The following DPY19L4 variants were observed in gnomAD, a reference collection of about 807,000 sequenced individuals.
DPY19L4 encodes probable C-mannosyltransferase DPY19L4.
In DPY19L4, 97 loss-of-function variants were observed where a neutral mutation model predicts 102.8. The ratio of observed to expected loss-of-function variants is 0.94; its 90% CI spans 0.80 to 1.12. The LOEUF is 1.12. Among genes scored for constraint, DPY19L4 ranks in the 50% most tolerant of loss-of-function variants. DPY19L4 has a pLI of 0.00. For synonymous variants in DPY19L4, 252 were observed against 283.1 expected, an observed-to-expected ratio of 0.89 and a Z score of 1.10; for missense variants, 815 against 850.4, an observed-to-expected ratio of 0.96 and a Z score of 0.52.
At chr8:94,770,669 G>GGGT (rs1812889143) in intron 13 of DPY19L4, 98 bp downstream of exon 13, 1 of 1,518,672 alleles carries the variant, frequency 6.6e-7, no homozygotes. Context: ...AGGCCAAGGC[G>GGGT]GGTGGCTCAC....
Position 94,738,449 on chromosome 8 carries a change from A to G in DPY19L4, c.333A>G (p.Ser111=). 1 of 1,533,634 alleles carries G rather than the reference A, an allele frequency of 6.5e-7. No individual in the cohort carries two copies. The highest frequency in any genetic ancestry group is 8.8e-7 in the Non-Finnish European group (1 of 1,137,742). The change falls in exon 4 of 19, where the codon TCA becomes TCG. Residue 111 remains serine, a synonymous_variant. Transcript: ENST00000414645. ...SYYKDMLKAP[S]FERGVYELTH... The stretch of plus-strand genomic sequence containing the variant: ...ATAAAGATATGTTAAAGGCACCTTC[A>G]TTTGAAAGAGGTATGATAATCACAG...
intron 6 of DPY19L4, chr8:94,744,560 C>T (rs971078853): frequency 1.3e-5 from 6 of 456,116 alleles, no homozygotes; most frequent in East Asian, 1.4e-4. Context: ...TCATTGGGAC[C>T]GTCTTGGAGG....
chr8:94,761,421 A>G (rs533135739), intron 7 of DPY19L4, among the ~76,000 whole-genome samples: 5 of 152,264 alleles, frequency 3.3e-5, no homozygotes, highest in Non-Finnish European at 5.9e-5. Flanking sequence ...AGAAAATTAT[A>G]TTGAATTTTC....
At chr8:94,753,733 G>A (rs201487463) in intron 6 of DPY19L4, among the ~76,000 whole-genome samples, 4 of 151,984 alleles carry the variant, frequency 2.6e-5, no homozygotes, top group Admixed American at 6.6e-5. Flanking sequence ...TTAGCCAGGC[G>A]TGGTGGCAGG....
chr8:94,743,302 T>C (rs979692754), intron 6 of DPY19L4, among the ~76,000 whole-genome samples: 4 of 151,948 alleles, frequency 2.6e-5, no homozygotes. Flanking sequence ...AGTGCTGGGA[T>C]TACAGGCGTG....
At chr8:94,747,621 C>T (rs1342681448) in intron 6 of DPY19L4, among the ~76,000 whole-genome samples, 2 of 147,428 alleles carry the variant, frequency 1.4e-5, no homozygotes, top group African/African-American at 2.5e-5. Flanking sequence ...TGCAGTGGCA[C>T]GATCTCGGCT....
At chr8:94,767,572 G>A (rs1812734779) in intron 11 of DPY19L4, among the ~76,000 whole-genome samples, 2 of 152,248 alleles carry the variant, frequency 1.3e-5, no homozygotes, top group South Asian at 2.1e-4. Flanking sequence ...GATTACAGGC[G>A]TGAGCCACCT....
chr8:94,786,422 G>C (rs1348293404), intron 17 of DPY19L4, among the ~76,000 whole-genome samples: 2 of 85,424 alleles, frequency 2.3e-5, no homozygotes, highest in Non-Finnish European at 4.6e-5. Context: ...ACCATGCCCG[G>C]CCATTTATTT....
At chr8:94,737,093 C>T (rs1482932984) in intron 3 of DPY19L4, among the ~76,000 whole-genome samples, 4 of 152,082 alleles carry the variant, frequency 2.6e-5, no homozygotes, top group African/African-American at 9.7e-5. Flanking sequence ...AAAGAAAATT[C>T]AAACATGTCT....
chr8:94,725,709 C>T (rs565078112), intron 1 of DPY19L4, among the ~76,000 whole-genome samples: 2 of 152,132 alleles, frequency 1.3e-5, no homozygotes, highest in Non-Finnish European at 2.9e-5. Context: ...GATCTCGGCT[C>T]ACTGCAAGCT....
At chr8:94,755,757 C>T (rs570569172) in intron 6 of DPY19L4, among the ~76,000 whole-genome samples, 2 of 152,150 alleles carry the variant, frequency 1.3e-5, no homozygotes, top group Admixed American at 6.5e-5. Flanking sequence ...TGGTGACGCG[C>T]GCCTGTAATC....
At chr8:94,756,964 G>T (rs1812185687) in intron 7 of DPY19L4, among the ~76,000 whole-genome samples, 1 of 152,232 alleles carries the variant, frequency 6.6e-6, no homozygotes, top group Admixed American at 6.5e-5. Context: ...GGCGGAGGTT[G>T]TAGTGAGCTG....
At chr8:94,749,435 C>T (rs1811822932) in intron 6 of DPY19L4, among the ~76,000 whole-genome samples, 1 of 152,192 alleles carries the variant, frequency 6.6e-6, no homozygotes, top group African/African-American at 2.4e-5. Flanking sequence ...CACGAGAGCA[C>T]ACTGAACAAA....
intron 2 of DPY19L4, among the ~76,000 whole-genome samples, chr8:94,732,881 G>C (rs1811027081): frequency 6.8e-6 from 1 of 147,928 alleles, no homozygotes; most frequent in South Asian, 2.1e-4. Context: ...TGCCATCTCG[G>C]TTCACTACAA....
rs537723649 is a variant in DPY19L4, at chr8:94,719,911, C to T, written c.-88C>T. The T allele has an allele frequency of 7.1e-7, 1 of 1,401,946 alleles. No individual in the cohort carries two copies. Among genetic ancestry groups the T allele is most frequent in the African/African-American group, 1.5e-5 (1 of 66,456 alleles). 86.8% of individuals were successfully genotyped at this position (1,401,946 alleles called of 1,614,324 possible). A position where few individuals can be genotyped will look rare whatever the true frequency, so the allele number is the denominator to read the frequency against. ...GGGGCGCGGCGGCCAGGAGCGGGCC[C>T]CCGGAGGCCGAGGGGTTCGGCGACG... On this transcript the variant is annotated 5_prime_UTR_variant, in exon 1 of 19. Coordinates refer to ENST00000414645, the MANE Select transcript of DPY19L4 (RefSeq NM_181787.3).
At position 94,739,395 on chromosome 8, in the gene DPY19L4, A is replaced by G; in HGVS notation, c.344-18A>G. On this transcript the variant is annotated intron_variant, in intron 4 of 18. Transcript: ENST00000414645. The stretch of plus-strand genomic sequence containing the variant: ...GAAGCAGAATAAATAATCTGGAGAA[A>G]AATCTTTCTGTCTTTAGGTGTTTAC... The G allele has an allele frequency of 6.5e-7, 1 of 1,536,956 alleles. No homozygotes were observed.
chr8:94,762,954 CT>C (rs111479023), intron 8 of DPY19L4, among the ~76,000 whole-genome samples: 107 of 146,676 alleles, frequency 7.3e-4, no homozygotes, highest in Non-Finnish European at 8.3e-4. Flanking sequence ...TGAGGTCTCT[CT>C]TTTTTTTTTT....
In DPY19L4 at chr8:94,776,233, C is replaced by T. The variant is rs570693947; in HGVS notation, c.1455-1433C>T. ...ATTTTTAATAGAGACGGGGTTTCAC[C>T]GTGTTGCCCAGGCTGGTCTGAAACT... On this transcript the variant is annotated intron_variant, in intron 13 of 18. Coordinates refer to ENST00000414645, the MANE Select transcript of DPY19L4 (RefSeq NM_181787.3). 3.2e-4 allele frequency among the ~76,000 whole-genome samples: 48 copies of T among 151,736 alleles called. 1 individual carries two copies. The highest frequency in any genetic ancestry group is 5.3e-4 in the Non-Finnish European group (36 of 67,882).
chr8:94,730,904 C>T (rs1292904063), intron 2 of DPY19L4, among the ~76,000 whole-genome samples: 1 of 150,270 alleles, frequency 6.7e-6, no homozygotes, highest in East Asian at 2.0e-4. Context: ...CACCACCACA[C>T]CCTGCTAATT....
Sources: gnomAD v4.1 joint callset for allele counts (sites outside exome capture counted in the v4.1 genomes callset) on GRCh38, gnomAD v4.1.1 for gene constraint, MANE v1.5 for transcripts, NCBI Gene and HGNC (gene_info 2026-07-23, HGNC 2026-07-21) for gene names.